The following C10orf67 variants were observed in gnomAD, a reference collection of about 807,000 sequenced individuals.
The protein encoded by C10orf67 is chromosome 10 open reading frame 67, also known as uncharacterized protein C10orf67, mitochondrial.
A neutral mutation model predicts 35.6 loss-of-function variants in C10orf67; 60 were observed. The ratio of observed to expected loss-of-function variants is 1.68; its 90% confidence interval spans 1.37 to 2.09. The LOEUF (loss-of-function observed/expected upper bound fraction) is 2.09. C10orf67 is among the 30% of genes most tolerant of loss of function. The pLI is 0.00. For synonymous variants in C10orf67, 167 were observed against 115.8 expected, an observed-to-expected ratio of 1.44 and a Z score of -2.84; for missense variants, 474 against 330.2, an observed-to-expected ratio of 1.44 and a Z score of -3.38.
chr10:23,322,272 A>C, intron 3 of C10orf67, 122 bp downstream of exon 3: 3 of 1,007,170 alleles, frequency 3.0e-6, no homozygotes, highest in Non-Finnish European at 4.3e-6. Flanking sequence ...TAATTACCAC[A>C]TGAGACACAA....
At chr10:23,263,663 A>C (rs2132189085) in intron 10 of C10orf67, among the ~76,000 whole-genome samples, 1 of 152,288 alleles carries the variant, frequency 6.6e-6, no homozygotes, top group East Asian at 1.9e-4. Context: ...ATCAGTATAG[A>C]CCAGGTTACC....
At chr10:23,286,061 A>C (rs76378198) in intron 7 of C10orf67, among the ~76,000 whole-genome samples, 1,944 of 152,148 alleles carry the variant, frequency 0.013, 26 homozygotes, top group Non-Finnish European at 0.02. Flanking sequence ...CATTTCTACC[A>C]GTGGTATACA....
intron 10 of C10orf67, among the ~76,000 whole-genome samples, chr10:23,264,566 T>C (rs1664559702): frequency 6.6e-6 from 1 of 152,202 alleles, no homozygotes; most frequent in Non-Finnish European, 1.5e-5. Context: ...TTGTCCTTTA[T>C]TTTGCATTTT....
intron 1 of C10orf67, among the ~76,000 whole-genome samples, chr10:23,340,482 T>C (rs941160097): frequency 6.6e-6 from 1 of 152,136 alleles, no homozygotes; most frequent in Non-Finnish European, 1.5e-5. Flanking sequence ...ACCATACCAC[T>C]GCACTCCAGC....
At chr10:23,232,692 G>A (rs1203383617) in intron 13 of C10orf67, among the ~76,000 whole-genome samples, 1 of 152,044 alleles carries the variant, frequency 6.6e-6, no homozygotes, top group African/African-American at 2.4e-5. Flanking sequence ...TTGAAGGGAG[G>A]TACAAACCAG....
At chr10:23,213,114 A>C (rs1169315523) in intron 15 of C10orf67, among the ~76,000 whole-genome samples, 1 of 152,248 alleles carries the variant, frequency 6.6e-6, no homozygotes, top group Non-Finnish European at 1.5e-5. Flanking sequence ...AGAGTCACTA[A>C]AATGAAACAC....
chr10:23,298,512 T>C (rs1289256430), intron 5 of C10orf67, among the ~76,000 whole-genome samples: 1 of 152,214 alleles, frequency 6.6e-6, no homozygotes, highest in Non-Finnish European at 1.5e-5. Flanking sequence ...TCTTACTAAA[T>C]GGGTATTGGC....
In C10orf67 at chr10:23,344,393, G is replaced by A; in HGVS notation, c.206+176C>T. 6.0e-6 allele frequency: 4 copies of A among 661,780 alleles called. No homozygotes were observed. The South Asian group carries it at 7.6e-5, about 13-fold the overall frequency. 41.0% of individuals were successfully genotyped at this position (661,780 alleles called of 1,614,324 possible). On this transcript the variant is annotated intron_variant, in intron 1 of 15. Transcript: ENST00000636213. ...GCGGGGCGGGCTCCCAAGCCACCCC[G>A]CTGCGCTTTCACTGTCCCGCCTGCC...
intron 15 of C10orf67, 33 bp from the exon 16 acceptor site, chr10:23,204,288 T>C (rs992625675): frequency 5.1e-6 from 3 of 591,144 alleles, no homozygotes; most frequent in African/African-American, 3.8e-5. Context: ...AGACATAAAC[T>C]TTGTTTTACT....
intron 12 of C10orf67, among the ~76,000 whole-genome samples, chr10:23,240,883 C>T (rs1029553359): frequency 6.6e-6 from 1 of 152,184 alleles, no homozygotes; most frequent in African/African-American, 2.4e-5. Flanking sequence ...GTTATATCAG[C>T]AACAACACTG....
intron 10 of C10orf67, among the ~76,000 whole-genome samples, chr10:23,265,571 A>G (rs1842865723): frequency 1.3e-5 from 2 of 152,250 alleles, no homozygotes; most frequent in African/African-American, 2.4e-5. Context: ...AGAACAACTA[A>G]GAGTTGTAGA....
chr10:23,240,799 C>T (rs1842160302), intron 12 of C10orf67, among the ~76,000 whole-genome samples: 1 of 152,152 alleles, frequency 6.6e-6, no homozygotes, highest in African/African-American at 2.4e-5. Flanking sequence ...CTAGGAAAGA[C>T]CTGAGAAGGA....
At chr10:23,325,519 A>G (rs1845152929) in intron 2 of C10orf67, among the ~76,000 whole-genome samples, 1 of 149,234 alleles carries the variant, frequency 6.7e-6, no homozygotes, top group South Asian at 2.1e-4. Flanking sequence ...AATCCAAACA[A>G]GTTAATTGTG....
chr10:23,223,005 G>A (rs185366161), intron 15 of C10orf67, among the ~76,000 whole-genome samples: 1 of 152,072 alleles, frequency 6.6e-6, no homozygotes, highest in Non-Finnish European at 1.5e-5. Flanking sequence ...GGAGCTTCAG[G>A]TTTGTTGGCA....
intron 10 of C10orf67, among the ~76,000 whole-genome samples, chr10:23,265,233 C>T (rs948352688): frequency 3.9e-5 from 6 of 152,246 alleles, no homozygotes; most frequent in African/African-American, 1.4e-4. Flanking sequence ...CCCTCCCGCT[C>T]TGTGGATATG....
intron 15 of C10orf67, among the ~76,000 whole-genome samples, chr10:23,214,222 G>A (rs759583661): frequency 6.6e-6 from 1 of 151,918 alleles, no homozygotes; most frequent in Non-Finnish European, 1.5e-5. Context: ...GTCATAGAGA[G>A]ATATTTTTAT....
In C10orf67 at chr10:23,250,500, C is replaced by G; in HGVS notation, c.1301G>C (p.Arg434Pro). ...KVERFRKEAD[R>P]LNKSWEKRFF... ...TCTCTTTTCCCAGCTTTTATTTAGT[C>G]GATCAGCTTCCTTCCTAAACCTATA... The change falls in exon 12 of 16, where the codon CGA becomes CCA. Residue 434 changes from arginine to proline, a missense_variant. Arg to Pro is a moderately radical substitution (Grantham distance 103). Transcript: ENST00000636213. The G allele has an allele frequency of 2.5e-6, 1 of 398,498 alleles. No homozygotes were observed. Among genetic ancestry groups the G allele is most frequent in the Non-Finnish European group, 4.4e-6 (1 of 225,816 alleles). 24.7% of individuals were successfully genotyped at this position (398,498 alleles called of 1,614,324 possible).
At chr10:23,333,808 T>C (rs1476559307) in intron 1 of C10orf67, among the ~76,000 whole-genome samples, 2 of 152,128 alleles carry the variant, frequency 1.3e-5, no homozygotes, top group Admixed American at 6.5e-5. Flanking sequence ...GTTTTTGTTT[T>C]AGAACAATAC....
chr10:23,227,928 G>A (rs559125108), intron 13 of C10orf67, among the ~76,000 whole-genome samples: 62 of 152,186 alleles, frequency 4.1e-4, no homozygotes, highest in African/African-American at 1.3e-3. Context: ...ACTGCTCATC[G>A]AAATCAAAGA....
Sources: gnomAD v4.1 joint callset for allele counts (sites outside exome capture counted in the v4.1 genomes callset) on GRCh38, gnomAD v4.1.1 for gene constraint, MANE v1.5 for transcripts, NCBI Gene and HGNC (gene_info 2026-07-23, HGNC 2026-07-21) for gene names.